DLG2: variants seen among roughly 807,000 people sequenced by gnomAD.
DLG2 encodes the protein disks large homolog 2.
DLG2 carries 45 observed loss-of-function variants against 132.5 expected under a neutral mutation model. The ratio of observed to expected loss-of-function variants is 0.34; its 90% confidence interval spans 0.27 to 0.44. The LOEUF is 0.44. Among genes scored for constraint, DLG2 ranks in the 20% least tolerant of loss-of-function variants. The probability of loss-of-function intolerance (pLI) is 1.00; values close to 1 mark genes in which losing one functional copy is unlikely to be tolerated. For synonymous variants in DLG2, 424 were observed against 419.6 expected (o/e 1.01, Z -0.13); for missense variants, 1,045 against 1,196.9 (o/e 0.87, Z 1.87).
rs1235987251 is a variant in DLG2 at position 85,613,404 on chromosome 11, G to A, written c.-93+13183C>T. 3.3e-5 allele frequency among the ~76,000 whole-genome samples: 5 copies of A among 152,312 alleles called. No homozygotes were observed. The East Asian group carries it at 9.7e-4, about 29-fold the overall frequency. On this transcript the variant is annotated intron_variant, in intron 2 of 27. Coordinates refer to ENST00000376104, the MANE Select transcript of DLG2 (RefSeq NM_001142699.3). Reference sequence around the variant, plus strand: ...TCTTCACCCCATCCAGCAGAAAGTAGCTAGAGCAGTCATCGGCCAAATTCC... The same window carrying A: ...TCTTCACCCCATCCAGCAGAAAGTAACTAGAGCAGTCATCGGCCAAATTCC...
chr11:84,841,078 A>G (rs1360812956), intron 6 of DLG2, among the ~76,000 whole-genome samples: 1 of 151,884 alleles, frequency 6.6e-6, no homozygotes, highest in Non-Finnish European at 1.5e-5. Flanking sequence ...TGCAGCAATA[A>G]AAAGAGTGCA....
In DLG2 at chr11:85,346,451, G is replaced by A. The variant is rs1305207531; in HGVS notation, c.41-61086C>T. ...GATCTGCCCGCCTCGGCCTCCCACA[G>A]TGCTGGGATTACAGGCTTAAGCCAC... On this transcript the variant is annotated intron_variant, in intron 3 of 27. Transcript: ENST00000376104. 1.3e-5 allele frequency among the ~76,000 whole-genome samples: 2 copies of A among 152,098 alleles called. 1 individual carries two copies. Among genetic ancestry groups the A allele is most frequent in the African/African-American group, 4.8e-5 (2 of 41,374 alleles).
At chr11:84,661,658 G>C (rs192844571) in intron 6 of DLG2, among the ~76,000 whole-genome samples, 5 of 152,094 alleles carry the variant, frequency 3.3e-5, no homozygotes, top group Non-Finnish European at 7.4e-5. Context: ...CTGTCTCTTT[G>C]AGTTCCTCAC....
At chr11:84,614,104 A>AT (rs1274356889) in intron 6 of DLG2, among the ~76,000 whole-genome samples, 1 of 152,196 alleles carries the variant, frequency 6.6e-6, no homozygotes, top group African/African-American at 2.4e-5. Flanking sequence ...TCATTTATTA[A>AT]TTTTTTCAAC....
At chr11:83,508,418 T>TTTTTTTTTTTTTC (rs2094843821) in intron 21 of DLG2, among the ~76,000 whole-genome samples, 1 of 138,844 alleles carries the variant, frequency 7.2e-6, no homozygotes, top group Non-Finnish European at 1.5e-5. Flanking sequence ...TTTTTTTTTT[T>TTTTTTTTTTTTTC]TTTTTTTAGT....
chr11:84,492,385 T>C (rs2154497742), intron 7 of DLG2, among the ~76,000 whole-genome samples: 1 of 152,288 alleles, frequency 6.6e-6, no homozygotes, highest in East Asian at 1.9e-4. Context: ...TTTCTTTCTT[T>C]AGAATGCACA....
At chr11:83,566,712 G>GGTGTGTGTGTGTGTGTGTGT (rs59829516) in intron 19 of DLG2, among the ~76,000 whole-genome samples, 3 of 143,952 alleles carry the variant, frequency 2.1e-5, no homozygotes, top group African/African-American at 7.6e-5. Context: ...CAGAGGGCAT[G>GGTGTGTGTGTGTGTGTGTGT]GTGTGTGTGT....
intron 7 of DLG2, among the ~76,000 whole-genome samples, chr11:84,474,242 G>A (rs1049495433): frequency 1.3e-5 from 2 of 152,050 alleles, no homozygotes; most frequent in Non-Finnish European, 2.9e-5. Flanking sequence ...ACATGTATGT[G>A]TTCCTTCATT....
At chr11:84,851,233 T>C (rs1174711131) in intron 6 of DLG2, among the ~76,000 whole-genome samples, 1 of 152,136 alleles carries the variant, frequency 6.6e-6, no homozygotes, top group Admixed American at 6.6e-5. Flanking sequence ...CAGAATAGAA[T>C]CATGTTGTGT....
chr11:85,497,862 T>C lies in DLG2; in HGVS notation c.40+100795A>G, dbSNP rs185574805. Among the ~76,000 whole-genome samples, 21 of 152,332 alleles carry C rather than the reference T, an allele frequency of 1.4e-4. 1 individual carries two copies. The highest frequency in any genetic ancestry group is 4.1e-4 in the African/African-American group (17 of 41,578). Reference sequence around the variant, plus strand: ...TAAGTGAAGGGGAAATAAAATCTTTTACAGACAAGCAAATGCTGAGAGATT... The same window carrying C: ...TAAGTGAAGGGGAAATAAAATCTTTCACAGACAAGCAAATGCTGAGAGATT... On this transcript the variant is annotated intron_variant, in intron 3 of 27. Transcript: ENST00000376104.
intron 6 of DLG2, among the ~76,000 whole-genome samples, chr11:84,910,995 T>G (rs1002031806): frequency 1.1e-4 from 16 of 152,166 alleles, no homozygotes; most frequent in Non-Finnish European, 1.8e-4. Flanking sequence ...ACAAGACAAT[T>G]ATTATGTAGA....
chr11:85,597,728 T>C (rs537967694), intron 3 of DLG2, among the ~76,000 whole-genome samples: 5 of 151,736 alleles, frequency 3.3e-5, no homozygotes, highest in South Asian at 4.2e-4. Context: ...TTAAGCCTTA[T>C]AAGTTCCTAT....
intron 7 of DLG2, among the ~76,000 whole-genome samples, chr11:84,399,017 A>T (rs968998334): frequency 1.3e-5 from 2 of 152,198 alleles, no homozygotes; most frequent in African/African-American, 4.8e-5. Flanking sequence ...TGCATAGTAT[A>T]TATAAGAAAA....
chr11:84,070,641 T>C (rs2096742412), intron 10 of DLG2, among the ~76,000 whole-genome samples: 1 of 152,232 alleles, frequency 6.6e-6, no homozygotes, highest in Non-Finnish European at 1.5e-5. Flanking sequence ...GGCATTAAAT[T>C]GATGAACATT....
At chr11:84,240,736 A>G (rs1262774500) in intron 8 of DLG2, among the ~76,000 whole-genome samples, 2 of 152,196 alleles carry the variant, frequency 1.3e-5, no homozygotes, top group Non-Finnish European at 2.9e-5. Context: ...AAGGCTCAAG[A>G]GGAGCTTGTG....
chr11:84,267,733 T>C (rs1448009817), intron 7 of DLG2, among the ~76,000 whole-genome samples: 4 of 152,198 alleles, frequency 2.6e-5, no homozygotes, highest in Non-Finnish European at 5.9e-5. Flanking sequence ...CCACATAGTT[T>C]CTCACCTCCT....
chr11:85,377,784 C>CATATATATATATATATAT (rs35941912), intron 3 of DLG2, among the ~76,000 whole-genome samples: 4 of 130,274 alleles, frequency 3.1e-5, no homozygotes, highest in Non-Finnish European at 3.3e-5. Flanking sequence ...TGTGTGTATA[C>CATATATATATATATATAT]ATATATATAT....
intron 9 of DLG2, among the ~76,000 whole-genome samples, chr11:84,129,571 C>T (rs115440797): frequency 1.5e-3 from 233 of 152,100 alleles, no homozygotes; most frequent in African/African-American, 5.3e-3. Flanking sequence ...AAAACAGCCA[C>T]GTCAGGCAGA....
At chr11:84,744,622 AAAAATGCAGAAGC>A (rs1398655455) in intron 6 of DLG2, among the ~76,000 whole-genome samples, 1 of 152,200 alleles carries the variant, frequency 6.6e-6, no homozygotes, top group East Asian at 1.9e-4. Context: ...AGCTAAAATG[AAAAATGCAGAAGC>A]AAAGTCAAAT....
Sources: allele counts gnomAD v4.1 joint callset (sites outside exome capture counted in the v4.1 genomes callset), GRCh38; gene constraint gnomAD v4.1.1; transcripts MANE v1.5; gene names NCBI Gene and HGNC (gene_info 2026-07-23, HGNC 2026-07-21).